BCLAF3: variants seen among roughly 807,000 people sequenced by gnomAD.
The protein encoded by BCLAF3 is transient octamer binding factor 1.
Under a neutral mutation model 51.2 loss-of-function variants are expected in BCLAF3, and 24 were observed. The ratio of observed to expected loss-of-function variants is 0.47; its 90% CI spans 0.34 to 0.66. The LOEUF (loss-of-function observed/expected upper bound fraction) is 0.66. Ranked by LOEUF, BCLAF3 falls within the 30% of genes least tolerant of loss-of-function variation. The probability of loss-of-function intolerance (pLI) is 0.01; values close to 1 mark genes in which losing one functional copy is unlikely to be tolerated. For missense variants in BCLAF3, 465 were observed against 525.1 expected (o/e 0.89, Z 1.12); for synonymous variants, 152 against 176.6 (o/e 0.86, Z 1.10).
chrX:19,975,042 C>T (rs2072379242), intron 1 of BCLAF3, among the ~76,000 whole-genome samples: 1 of 111,500 alleles, frequency 9.0e-6, no homozygotes, highest in Admixed American at 9.5e-5. Context: ...CATAACTCTG[C>T]AAGCATACTA....
In BCLAF3 at chrX:19,926,841, G is replaced by A. The variant is rs995817423; in HGVS notation, c.2106+2944C>T. Among the ~76,000 whole-genome samples, 14 of 111,895 alleles carry A rather than the reference G, an allele frequency of 1.3e-4. 1 individual carries two copies. Among genetic ancestry groups the A allele is most frequent in the African/African-American group, 3.9e-4 (12 of 30,859 alleles). ...CAAAGAAACTTGCCACACAAGGCAG[G>A]AAGAGAAGCAGCATCTCTACCTAAG... On this transcript the variant is annotated intron_variant, in intron 11 of 11. Transcript: ENST00000379682.
chrX:19,924,474 G>C (rs985480854), intron 11 of BCLAF3, among the ~76,000 whole-genome samples: 2 of 111,140 alleles, frequency 1.8e-5, no homozygotes, highest in Admixed American at 1.9e-4. Context: ...TTCAGCTCAA[G>C]GGACCTGGCA....
At chrX:19,951,595 C>CAAAAAAA (rs58442337) in intron 7 of BCLAF3, among the ~76,000 whole-genome samples, 1 of 38,018 alleles carries the variant, frequency 2.6e-5, no homozygotes, top group South Asian at 1.1e-3. Context: ...GACTCTGTCG[C>CAAAAAAA]AAAAAAAAAA....
At position 19,917,640 on chromosome X, in the gene BCLAF3, A is replaced by G. The variant is rs147434156; in HGVS notation, c.2107-306T>C. Among the ~76,000 whole-genome samples the G allele has an allele frequency of 9.4e-3, 1,051 of 112,064 alleles. 11 individuals carry two copies. Among genetic ancestry groups the G allele is most frequent in the African/African-American group, 0.031 (965 of 30,935 alleles). ...GTTTCAGTGAAGGCATCCCTGGCAT[A>G]AAATCAAGACTCTTAAACCTTTGGC... On this transcript the variant is annotated intron_variant, in intron 11 of 11. Coordinates refer to ENST00000379682, the MANE Select transcript of BCLAF3 (RefSeq NM_001367774.2).
intron 1 of BCLAF3, among the ~76,000 whole-genome samples, chrX:19,974,778 AG>A (rs754515535): frequency 1.8e-5 from 2 of 110,591 alleles, no homozygotes; most frequent in Non-Finnish European, 3.8e-5. Flanking sequence ...GCTACTCGGG[AG>A]GTTGAGGCAG....
At chrX:19,926,315 T>G (rs1450878647) in intron 11 of BCLAF3, among the ~76,000 whole-genome samples, 2 of 111,532 alleles carry the variant, frequency 1.8e-5, no homozygotes, top group African/African-American at 6.5e-5. Flanking sequence ...ACACTTTAGA[T>G]GATGCAAAAA....
chrX:19,931,901 G>T (rs927989814), intron 10 of BCLAF3, among the ~76,000 whole-genome samples: 1 of 111,858 alleles, frequency 8.9e-6, no homozygotes, highest in Non-Finnish European at 1.9e-5. Flanking sequence ...GGCTCTCCAC[G>T]CTTGAAAAGC....
At chrX:19,947,442 C>T (rs773750822) in intron 8 of BCLAF3, among the ~76,000 whole-genome samples, 2 of 111,112 alleles carry the variant, frequency 1.8e-5, no homozygotes. Flanking sequence ...AACATGGAGA[C>T]ATCAGAGTAA....
At chrX:19,928,138 C>T (rs1461363826) in intron 11 of BCLAF3, among the ~76,000 whole-genome samples, 1 of 108,997 alleles carries the variant, frequency 9.2e-6, no homozygotes, top group Non-Finnish European at 1.9e-5. Flanking sequence ...TCTCCTCAGC[C>T]TCCCAAAGTG....
At chrX:19,969,618 T>C (rs1237417159) in intron 2 of BCLAF3, among the ~76,000 whole-genome samples, 6 of 112,043 alleles carry the variant, frequency 5.4e-5, no homozygotes, top group African/African-American at 1.9e-4. Context: ...CACAGCATTT[T>C]CCCCACTGTA....
At chrX:19,987,477 G>A (rs2072842851) in intron 1 of BCLAF3, among the ~76,000 whole-genome samples, 1 of 111,192 alleles carries the variant, frequency 9.0e-6, no homozygotes, top group Non-Finnish European at 1.9e-5. Context: ...GCTACTTTTT[G>A]TATTTTTAGC....
chrX:19,972,070 T>A (rs2072276786), intron 1 of BCLAF3, among the ~76,000 whole-genome samples: 1 of 112,536 alleles, frequency 8.9e-6, no homozygotes, highest in African/African-American at 3.2e-5. Flanking sequence ...ATTCATTTAG[T>A]TATACACAGC....
intron 11 of BCLAF3, among the ~76,000 whole-genome samples, chrX:19,923,780 T>C (rs189330138): frequency 4.6e-4 from 51 of 111,323 alleles, no homozygotes; most frequent in Non-Finnish European, 8.1e-4. Context: ...TCACTTAGCA[T>C]CATATTTTTA....
chrX:19,939,112 T>C (rs1188361291), intron 8 of BCLAF3, among the ~76,000 whole-genome samples: 1 of 111,908 alleles, frequency 8.9e-6, no homozygotes, highest in Admixed American at 9.5e-5. Flanking sequence ...CGACAGTAGA[T>C]CAAAAGAGTA....
At chrX:19,920,101 G>A (rs1464815662) in intron 11 of BCLAF3, among the ~76,000 whole-genome samples, 1 of 111,015 alleles carries the variant, frequency 9.0e-6, no homozygotes, top group African/African-American at 3.3e-5. Context: ...GGCAGGGGAC[G>A]CCTACATGAT....
intron 5 of BCLAF3, among the ~76,000 whole-genome samples, chrX:19,954,486 A>C (rs1389504097): frequency 8.9e-6 from 1 of 111,790 alleles, no homozygotes; most frequent in Non-Finnish European, 1.9e-5. Flanking sequence ...TCCCTAATTT[A>C]CTGTTTCTGT....
rs1392301042 is a variant in BCLAF3 at position 19,965,067 on chromosome X, C to T, written c.1251G>A (p.Val417=). The change falls in exon 4 of 12, where the codon GTG becomes GTA. Residue 417 remains valine, a synonymous_variant. Transcript: ENST00000379682. The stretch of plus-strand genomic sequence containing the variant: ...ACCTGAATGTATCTACTGTTTTCTT[C>T]ACATCTACTTTAACTGTAAGTGATT... The part of the protein sequence containing the change: ...RKKSLTVKVD[V]KKTVDTFRVA... The T allele has an allele frequency of 1.7e-6, 2 of 1,168,669 alleles. No individual in the cohort carries two copies. Among genetic ancestry groups the T allele is most frequent in the South Asian group, 2.0e-5 (1 of 50,211 alleles).
At chrX:19,959,532 G>A (rs923865636) in intron 4 of BCLAF3, among the ~76,000 whole-genome samples, 2 of 110,765 alleles carry the variant, frequency 1.8e-5, no homozygotes, top group South Asian at 3.9e-4. Flanking sequence ...GAACACTTTC[G>A]GAGGCAGAGG....
chrX:19,935,465 G>A (rs1042416586), intron 10 of BCLAF3: 10 of 162,065 alleles, frequency 6.2e-5, no homozygotes, highest in Admixed American at 3.7e-4. Context: ...AGCTCTGCAC[G>A]TGTATCTTAG....
Sources: gnomAD v4.1 joint callset for allele counts (sites outside exome capture counted in the v4.1 genomes callset) on GRCh38, gnomAD v4.1.1 for gene constraint, MANE v1.5 for transcripts, NCBI Gene and HGNC (gene_info 2026-07-23, HGNC 2026-07-21) for gene names.